Variants in GRID2 observed in about 807,000 individuals in gnomAD.
GRID2 encodes glutamate receptor ionotropic, delta-2.
A neutral mutation model predicts 114.8 loss-of-function variants in GRID2; 33 were observed. The ratio of observed to expected loss-of-function variants is 0.29; its 90% CI spans 0.22 to 0.38. The LOEUF (loss-of-function observed/expected upper bound fraction) is 0.38. Ranked by LOEUF, GRID2 falls within the 10% of genes least tolerant of loss-of-function variation. The probability of loss-of-function intolerance (pLI) is 1.00; values close to 1 mark genes in which losing one functional copy is unlikely to be tolerated. For missense variants in GRID2, 1,184 were observed against 1,257.7 expected (o/e 0.94, Z 0.89); for synonymous variants, 505 against 449.9 (o/e 1.12, Z -1.55).
At chr4:93,614,597 A>T (rs1476472704) in intron 13 of GRID2, among the ~76,000 whole-genome samples, 1 of 152,298 alleles carries the variant, frequency 6.6e-6, no homozygotes, top group African/African-American at 2.4e-5. Flanking sequence ...AAAATGCTAT[A>T]TAAACAACAG....
intron 2 of GRID2, among the ~76,000 whole-genome samples, chr4:92,708,753 C>T (rs1277523219): frequency 6.6e-6 from 1 of 152,178 alleles, no homozygotes. Flanking sequence ...ATGGTGAAAT[C>T]CCGTTTCTAC....
At chr4:93,446,573 A>G (rs1163377329) in intron 10 of GRID2, among the ~76,000 whole-genome samples, 1 of 152,070 alleles carries the variant, frequency 6.6e-6, no homozygotes, top group African/African-American at 2.4e-5. Context: ...TATGCACACA[A>G]TGTGCTTGAA....
At chr4:92,895,309 G>C (rs975978942) in intron 2 of GRID2, among the ~76,000 whole-genome samples, 1 of 148,484 alleles carries the variant, frequency 6.7e-6, no homozygotes, top group Admixed American at 6.8e-5. Context: ...ATCTACTCCA[G>C]TACATGGGTT....
rs1725272788 is a variant in GRID2, at chr4:92,304,458, G to A, written c.-199G>A. Reference sequence around the variant, plus strand: ...CAAGTGACACGGCTTTGCGAAGGAGGTTTCCTCAGGCTGGGCTCTTTCTGT... The same window carrying A: ...CAAGTGACACGGCTTTGCGAAGGAGATTTCCTCAGGCTGGGCTCTTTCTGT... On this transcript the variant is annotated 5_prime_UTR_variant, in exon 1 of 16. Coordinates refer to ENST00000282020, the MANE Select transcript of GRID2 (RefSeq NM_001510.4). 1 of 604,124 alleles carries A rather than the reference G, an allele frequency of 1.7e-6. No individual in the cohort carries two copies. The highest frequency in any genetic ancestry group is 1.9e-5 in the African/African-American group (1 of 53,880). 37.4% of individuals were successfully genotyped at this position (604,124 alleles called of 1,614,324 possible).
intron 14 of GRID2, among the ~76,000 whole-genome samples, chr4:93,653,435 C>T (rs1722757737): frequency 6.6e-6 from 1 of 152,132 alleles, no homozygotes; most frequent in East Asian, 1.9e-4. Context: ...TAAATTAATT[C>T]ACACTTCTAA....
chr4:93,536,147 T>C (rs778586060), intron 13 of GRID2, among the ~76,000 whole-genome samples: 5 of 152,014 alleles, frequency 3.3e-5, no homozygotes, highest in Non-Finnish European at 5.9e-5. Context: ...GATCTATAGA[T>C]TCAATGAAAT....
intron 2 of GRID2, among the ~76,000 whole-genome samples, chr4:92,697,823 G>A (rs1019002585): frequency 1.3e-5 from 2 of 152,102 alleles, no homozygotes; most frequent in Non-Finnish European, 2.9e-5. Flanking sequence ...ATGAGGTCAG[G>A]TTGCACCATT....
intron 2 of GRID2, among the ~76,000 whole-genome samples, chr4:92,802,404 T>C (rs1013472703): frequency 2.0e-5 from 3 of 151,994 alleles, no homozygotes; most frequent in Non-Finnish European, 4.4e-5. Flanking sequence ...TATAGTGTTA[T>C]ACGAAATTGT....
At chr4:93,261,900 A>G (rs1750295128) in intron 8 of GRID2, among the ~76,000 whole-genome samples, 1 of 151,462 alleles carries the variant, frequency 6.6e-6, no homozygotes, top group Admixed American at 6.6e-5. Context: ...ATATATATAT[A>G]TGTATTTTAA....
chr4:93,563,429 T>C (rs2149567518), intron 13 of GRID2, among the ~76,000 whole-genome samples: 1 of 152,046 alleles, frequency 6.6e-6, no homozygotes, highest in Middle Eastern at 3.4e-3. Context: ...TATTGTCTTT[T>C]ATGAAAGTAA....
intron 1 of GRID2, among the ~76,000 whole-genome samples, chr4:92,342,903 C>T (rs546412370): frequency 1.2e-3 from 187 of 152,194 alleles, no homozygotes; most frequent in South Asian, 0.01. Context: ...ATAAGGATCT[C>T]GGTCCCGTGT....
chr4:93,615,774 T>C (rs1240635146), intron 13 of GRID2, among the ~76,000 whole-genome samples: 1 of 152,172 alleles, frequency 6.6e-6, no homozygotes, highest in Non-Finnish European at 1.5e-5. Flanking sequence ...TTTTAATGTG[T>C]CATTGTTTCA....
At chr4:93,474,954 A>C (rs1725182916) in intron 11 of GRID2, among the ~76,000 whole-genome samples, 1 of 152,138 alleles carries the variant, frequency 6.6e-6, no homozygotes, top group Non-Finnish European at 1.5e-5. Flanking sequence ...TTTGCTTTGT[A>C]ACCTCCTACT....
At chr4:92,315,392 G>C (rs1265504176) in intron 1 of GRID2, among the ~76,000 whole-genome samples, 2 of 152,078 alleles carry the variant, frequency 1.3e-5, no homozygotes, top group Non-Finnish European at 2.9e-5. Flanking sequence ...CACAAAAAAA[G>C]CAAATTGTGT....
At chr4:93,688,865 G>C (rs879653112) in intron 14 of GRID2, among the ~76,000 whole-genome samples, 1 of 151,986 alleles carries the variant, frequency 6.6e-6, no homozygotes, top group Non-Finnish European at 1.5e-5. Flanking sequence ...CACTAACTCA[G>C]ATCATCTAAC....
Position 93,801,470 on chromosome 4 carries a change from T to TAAAC in GRID2, c.222-5243_222-5240dup, listed in dbSNP as rs542214770. On this transcript the variant is annotated intron_variant, in intron 1 of 1. Transcript: ENST00000637838. ...TGTCACATAAAGTATGATATGTGAG[T>TAAAC]AAACAGAGACTTCTAAATAAAATAT... Among the ~76,000 whole-genome samples the TAAAC allele has an allele frequency of 2.2e-3, 338 of 152,196 alleles. 1 individual carries two copies. Among genetic ancestry groups the TAAAC allele is most frequent in the Middle Eastern group, 3.6e-3 (1 of 278 alleles).
At chr4:93,428,399 G>C (rs377341464) in intron 10 of GRID2, among the ~76,000 whole-genome samples, 4 of 152,108 alleles carry the variant, frequency 2.6e-5, no homozygotes, top group African/African-American at 9.6e-5. Context: ...CCATAACATT[G>C]TAAGCTGCAT....
At chr4:93,261,657 G>C (rs985180633) in intron 8 of GRID2, among the ~76,000 whole-genome samples, 3 of 151,854 alleles carry the variant, frequency 2.0e-5, no homozygotes, top group Non-Finnish European at 4.4e-5. Flanking sequence ...ATATTATAAA[G>C]AGAGGAGTAT....
intron 2 of GRID2, among the ~76,000 whole-genome samples, chr4:92,839,983 T>C (rs1216889470): frequency 6.6e-6 from 1 of 152,068 alleles, no homozygotes; most frequent in South Asian, 2.1e-4. Context: ...ATATTTCTGT[T>C]ATATATCTGG....
Sources: allele counts gnomAD v4.1 joint callset (sites outside exome capture counted in the v4.1 genomes callset), GRCh38; gene constraint gnomAD v4.1.1; transcripts MANE v1.5; gene names NCBI Gene and HGNC (gene_info 2026-07-23, HGNC 2026-07-21).